TLK2: variants seen among roughly 807,000 people sequenced by gnomAD.
TLK2 encodes serine/threonine-protein kinase tousled-like 2.
Under a neutral mutation model 117.3 loss-of-function variants are expected in TLK2, and 6 were observed. The ratio of observed to expected loss-of-function variants is 0.05; its 90% CI spans 0.03 to 0.10. The LOEUF (loss-of-function observed/expected upper bound fraction) is 0.10. Ranked by LOEUF, TLK2 falls within the 10% of genes least tolerant of loss-of-function variation. The pLI is 1.00. For synonymous variants in TLK2, 257 were observed against 316.7 expected (o/e 0.81, Z 2.00); for missense variants, 299 against 901.2 (o/e 0.33, Z 8.56).
In TLK2 at chr17:62,586,246, C is replaced by T. The variant is rs998812447; in HGVS notation, c.1460+20C>T. ...CCACAAGTAAGTGATACTTGAGTGT[C>T]TGACTTTTTAAAATTAAATAATACC... On this transcript the variant is annotated intron_variant, in intron 16 of 21. Coordinates refer to ENST00000346027, the MANE Select transcript of TLK2 (RefSeq NM_006852.6). The T allele has an allele frequency of 6.4e-7, 1 of 1,552,398 alleles. No homozygotes were observed. The highest frequency in any genetic ancestry group is 2.2e-5 in the East Asian group (1 of 44,468).
intron 15 of TLK2, among the ~76,000 whole-genome samples, chr17:62,585,398 C>T (rs1295217721): frequency 2.0e-5 from 3 of 152,146 alleles, no homozygotes; most frequent in Non-Finnish European, 4.4e-5. Flanking sequence ...ATTAGCCGGG[C>T]GTGATGGTGC....
At chr17:62,548,024 T>A (rs2078080711) in intron 7 of TLK2, among the ~76,000 whole-genome samples, 1 of 152,150 alleles carries the variant, frequency 6.6e-6, no homozygotes, top group South Asian at 2.1e-4. Context: ...TAAAGTCCTT[T>A]GGAATGTGCT....
chr17:62,580,231 A>G, intron 15 of TLK2, 39 bp downstream of exon 15: 2 of 1,481,962 alleles, frequency 1.3e-6, no homozygotes, highest in Non-Finnish European at 1.9e-6. Context: ...TGGGGGTTAA[A>G]TTATCGGCTC....
chr17:62,481,587 A>T (rs552211975), intron 2 of TLK2, among the ~76,000 whole-genome samples: 1 of 152,340 alleles, frequency 6.6e-6, no homozygotes, highest in Admixed American at 6.5e-5. Flanking sequence ...AGGTAGTTAC[A>T]TGGTAGAGTA....
intron 2 of TLK2, among the ~76,000 whole-genome samples, chr17:62,517,339 A>G (rs1277167663): frequency 2.0e-5 from 3 of 152,148 alleles, no homozygotes; most frequent in Non-Finnish European, 4.4e-5. Context: ...TCTGTCTTTA[A>G]TGCCAATACC....
intron 6 of TLK2, among the ~76,000 whole-genome samples, chr17:62,531,805 G>T (rs1567862142): frequency 6.6e-6 from 1 of 152,100 alleles, no homozygotes; most frequent in Non-Finnish European, 1.5e-5. Flanking sequence ...GATTTGGATT[G>T]TGTCAACATT....
intron 7 of TLK2, among the ~76,000 whole-genome samples, chr17:62,539,500 G>GA (rs1477702294): frequency 4.8e-5 from 6 of 125,390 alleles, no homozygotes; most frequent in Non-Finnish European, 9.7e-5. Flanking sequence ...TTTCAATTGA[G>GA]ACAGGGTCTC....
chr17:62,529,097 C>G (rs2076570101), intron 6 of TLK2, among the ~76,000 whole-genome samples: 1 of 152,126 alleles, frequency 6.6e-6, no homozygotes, highest in Admixed American at 6.5e-5. Flanking sequence ...GCTGTTCTAT[C>G]AATTATTAAG....
At chr17:62,584,185 C>T (rs1262951359) in intron 15 of TLK2, among the ~76,000 whole-genome samples, 1 of 134,152 alleles carries the variant, frequency 7.5e-6, no homozygotes, top group South Asian at 2.5e-4. Flanking sequence ...GGTGCTATCT[C>T]GGCTCACTGC....
intron 1 of TLK2, among the ~76,000 whole-genome samples, chr17:62,472,545 T>C (rs2070961698): frequency 6.6e-6 from 1 of 151,916 alleles, no homozygotes; most frequent in African/African-American, 2.4e-5. Context: ...GAGAGCATCC[T>C]GGCTAACACG....
At chr17:62,558,229 G>A (rs1214078892) in intron 9 of TLK2, among the ~76,000 whole-genome samples, 1 of 151,720 alleles carries the variant, frequency 6.6e-6, no homozygotes, top group Non-Finnish European at 1.5e-5. Flanking sequence ...GAGTGCTGTG[G>A]TGCAATCACA....
intron 16 of TLK2, among the ~76,000 whole-genome samples, chr17:62,589,580 C>G (rs950402916): frequency 6.6e-6 from 1 of 152,148 alleles, no homozygotes; most frequent in Non-Finnish European, 1.5e-5. Context: ...TCTGCAAATT[C>G]CCTTAATTGG....
At chr17:62,590,782 T>C (rs780125105) in intron 16 of TLK2, among the ~76,000 whole-genome samples, 2 of 152,176 alleles carry the variant, frequency 1.3e-5, no homozygotes, top group African/African-American at 2.4e-5. Context: ...CCCAACAAGA[T>C]GGTATTAAAT....
intron 2 of TLK2, among the ~76,000 whole-genome samples, chr17:62,495,387 T>A (rs1338005371): frequency 6.6e-6 from 1 of 151,708 alleles, no homozygotes; most frequent in Non-Finnish European, 1.5e-5. Context: ...AGCAAAAGAG[T>A]TTAGAGTCCA....
chr17:62,511,168 T>C (rs1186701471), intron 2 of TLK2, among the ~76,000 whole-genome samples: 1 of 152,220 alleles, frequency 6.6e-6, no homozygotes, highest in Admixed American at 6.5e-5. Flanking sequence ...ATTACACTTC[T>C]AGGCAATTTT....
rs2081105867 is a variant in TLK2 at position 62,580,192 on chromosome 17, G to A, written c.1368G>A (p.Lys456=). Residue 456 remains lysine, a splice_region_variant and synonymous_variant, in exon 15 of 22, where the codon AAG becomes AAA. Transcript: ENST00000346027. ...GAGGAGGTTTCAGTGAAGTTTACAA[G>A]GTAAGTATAAGGAACTGGATACAAA... is the stretch of plus-strand genomic sequence containing the variant. ...LGRGGFSEVY[K]AFDLTEQRYV... 6.2e-7 allele frequency: 1 copy of A among 1,609,302 alleles called. No homozygotes were observed. The highest frequency in any genetic ancestry group is 1.7e-5 in the Admixed American group (1 of 59,752).
Position 62,615,235 on chromosome 17 carries a change from T to G in TLK2, c.*2670T>G, listed in dbSNP as rs1412442199. 6.6e-6 allele frequency: 1 copy of G among 152,208 alleles called. No individual in the cohort carries two copies. The highest frequency in any genetic ancestry group is 1.5e-5 in the Non-Finnish European group (1 of 68,044). The allele number at this position is 152,208 out of a possible 1,614,324, so 9.4% of individuals were successfully genotyped here. A position where few individuals can be genotyped will look rare whatever the true frequency, so the allele number is the denominator to read the frequency against. The stretch of plus-strand genomic sequence containing the variant: ...CAAGCCCCAGAGAACATGCAGAACA[T>G]TGACCTTTCCATTGACTGTCTTTCA... On this transcript the variant is annotated 3_prime_UTR_variant, in exon 22 of 22. Coordinates refer to ENST00000346027, the MANE Select transcript of TLK2 (RefSeq NM_006852.6).
chr17:62,587,487 C>T lies in TLK2; in HGVS notation c.1460+1261C>T, dbSNP rs555609918. 9.9e-5 allele frequency among the ~76,000 whole-genome samples: 15 copies of T among 152,124 alleles called. No homozygotes were observed. In the South Asian group the frequency reaches 3.1e-3, roughly 32 times the overall value. Reference sequence around the variant, plus strand: ...AAAAACAGTGGTCTTTGAAGTAGCCCTTTAGTTGGCTTCTAGCCTGGTCCA... The same window carrying T: ...AAAAACAGTGGTCTTTGAAGTAGCCTTTTAGTTGGCTTCTAGCCTGGTCCA... On this transcript the variant is annotated intron_variant, in intron 16 of 21. Transcript: ENST00000346027.
At chr17:62,597,248 G>C (rs2147113921) in intron 17 of TLK2, 1 of 152,384 alleles carries the variant, frequency 6.6e-6, no homozygotes, top group South Asian at 2.1e-4. Context: ...TCATATGCAT[G>C]GAATCATATA....
Sources: gnomAD v4.1 joint callset for allele counts (sites outside exome capture counted in the v4.1 genomes callset) on GRCh38, gnomAD v4.1.1 for gene constraint, MANE v1.5 for transcripts, NCBI Gene and HGNC (gene_info 2026-07-23, HGNC 2026-07-21) for gene names.